The following ZMAT1 variants were observed in gnomAD, a reference collection of about 807,000 sequenced individuals.
ZMAT1 encodes zinc finger matrin-type 1, also known as zinc finger matrin-type protein 1.
Under a neutral mutation model 18.5 loss-of-function variants are expected in ZMAT1, and 11 were observed. The ratio of observed to expected loss-of-function variants is 0.59; its 90% CI spans 0.37 to 0.98. The LOEUF is 0.98. Among genes scored for constraint, ZMAT1 ranks in the 50% least tolerant of loss-of-function variants. ZMAT1 has a pLI of 0.01. For missense variants in ZMAT1, 525 were observed against 496.2 expected (o/e 1.06, Z -0.55); for synonymous variants, 211 against 176.4 (o/e 1.20, Z -1.55).
At chrX:101,918,187 T>C (rs975994097) in intron 1 of ZMAT1, among the ~76,000 whole-genome samples, 4 of 111,533 alleles carry the variant, frequency 3.6e-5, no homozygotes, top group Non-Finnish European at 7.5e-5. Context: ...AATTGGGTTG[T>C]TTGAAACTCA....
At chrX:101,897,327 TG>T (rs1927884524) in intron 4 of ZMAT1, among the ~76,000 whole-genome samples, 1 of 60,199 alleles carries the variant, frequency 1.7e-5, no homozygotes, top group Admixed American at 2.7e-4. Flanking sequence ...TATCACACTC[TG>T]GGGACTGTTG....
At position 101,931,795 on chromosome X, in the gene ZMAT1, A is replaced by AGCCGCC. The variant is rs895746763; in HGVS notation, c.208_213dup (p.Gly70_Gly71dup). On this transcript the variant is annotated inframe_insertion, in exon 1 of 6. Transcript: ENST00000651725. ...GCCGCCGCCATAGTGGAGCCGCCAA[A>AGCCGCC]GCCGCCGCCGCCGCCGTCGCCACAG... The AGCCGCC allele has an allele frequency of 1.7e-5, 13 of 780,435 alleles. No homozygotes were observed. The highest frequency in any genetic ancestry group is 1.4e-4 in the African/African-American group (6 of 43,343). 64.3% of individuals were successfully genotyped at this position (780,435 alleles called of 1,213,427 possible).
At chrX:101,929,545 ATGTT>A (rs1487596977) in intron 1 of ZMAT1, among the ~76,000 whole-genome samples, 4 of 106,799 alleles carry the variant, frequency 3.7e-5, no homozygotes, top group Non-Finnish European at 5.8e-5. Flanking sequence ...AATATATAAA[ATGTT>A]TGCCATTTGT....
intron 2 of ZMAT1, among the ~76,000 whole-genome samples, chrX:101,899,434 T>G (rs1443664960): frequency 9.0e-6 from 1 of 111,550 alleles, no homozygotes; most frequent in Non-Finnish European, 1.9e-5. Flanking sequence ...GTGCCATATT[T>G]GTAGTCTTTT....
At chrX:101,913,188 T>C (rs1479786487) in intron 1 of ZMAT1, among the ~76,000 whole-genome samples, 1 of 111,206 alleles carries the variant, frequency 9.0e-6, no homozygotes, top group African/African-American at 3.3e-5. Flanking sequence ...ATACAATAGA[T>C]ACACTAAAAA....
At chrX:101,924,951 T>C (rs1275608620) in intron 1 of ZMAT1, among the ~76,000 whole-genome samples, 4 of 112,288 alleles carry the variant, frequency 3.6e-5, no homozygotes, top group African/African-American at 1.3e-4. Flanking sequence ...TGCTTGGCAA[T>C]GTAAATGTAG....
intron 2 of ZMAT1, among the ~76,000 whole-genome samples, chrX:101,901,371 T>A (rs1928220327): frequency 9.0e-6 from 1 of 111,277 alleles, no homozygotes; most frequent in African/African-American, 3.3e-5. Context: ...AGAGTGGGCA[T>A]CCTTGTCTTG....
In ZMAT1 at chrX:101,920,762, A is replaced by G. The variant is rs145134720; in HGVS notation, c.292+10955T>C. Among the ~76,000 whole-genome samples the G allele has an allele frequency of 6.2e-5, 7 of 112,310 alleles. No homozygotes were observed. The East Asian group carries it at 2.0e-3, about 32-fold the overall frequency. The stretch of plus-strand genomic sequence containing the variant: ...AATAATTAATCAATCAGGGTTTTCT[A>G]TCACATCCAAACACATAGCTTTTCA... On this transcript the variant is annotated intron_variant, in intron 1 of 5. Coordinates refer to ENST00000651725, the MANE Select transcript of ZMAT1 (RefSeq NM_001394560.1).
rs1213459683 is a variant in ZMAT1, at chrX:101,914,481, T to A, written c.293-10151A>T. On this transcript the variant is annotated intron_variant, in intron 1 of 5. Coordinates refer to ENST00000651725, the MANE Select transcript of ZMAT1 (RefSeq NM_001394560.1). ...ACTACTAAGAAAAAAAGCAAGAAGA[T>A]CCAAATATATCAAATCAGAAATGAA... Among the ~76,000 whole-genome samples, 15 of 109,195 alleles carry A rather than the reference T, an allele frequency of 1.4e-4. 1 individual carries two copies. The highest frequency in any genetic ancestry group is 5.0e-4 in the African/African-American group (15 of 30,092). 94.8% of individuals were successfully genotyped at this position (109,195 alleles called of 115,157 possible). A position where few individuals can be genotyped will look rare whatever the true frequency, so the allele number is the denominator to read the frequency against.
At chrX:101,888,937 T>C (rs1021515423) in intron 4 of ZMAT1, 1 of 111,574 alleles carries the variant, frequency 9.0e-6, no homozygotes, top group Non-Finnish European at 1.9e-5. Flanking sequence ...AAGTATACTG[T>C]ATACAGTGTT....
Position 101,931,929 on chromosome X carries a change from G to A in ZMAT1, c.80C>T (p.Ser27Phe). The change falls in exon 1 of 6, where the codon TCC becomes TTC. Residue 27 changes from serine (S) to phenylalanine (F), a missense_variant. By Grantham distance (155) the Ser-to-Phe change is radical. Coordinates refer to ENST00000651725, the MANE Select transcript of ZMAT1 (RefSeq NM_001394560.1). ...PQEATVSAAS[S>F]SSYTACAAAA... ...TGCCGCGCAGGCGGTGTAGGAGGAGGAGGAGGCGGCAGAGACGGTAGCTTC... is the reference window on the plus strand; with the variant it reads ...TGCCGCGCAGGCGGTGTAGGAGGAGAAGGAGGCGGCAGAGACGGTAGCTTC... 1 of 786,478 alleles carries A rather than the reference G, an allele frequency of 1.3e-6. No homozygotes were observed. Among genetic ancestry groups the A allele is most frequent in the Non-Finnish European group, 1.5e-6 (1 of 662,230 alleles). 64.8% of individuals were successfully genotyped at this position (786,478 alleles called of 1,213,427 possible).
chrX:101,902,100 T>G (rs1404950445), intron 2 of ZMAT1, among the ~76,000 whole-genome samples: 1 of 112,320 alleles, frequency 8.9e-6, no homozygotes, highest in African/African-American at 3.2e-5. Flanking sequence ...CATCTCCAAA[T>G]GCAGCAATGA....
intron 1 of ZMAT1, among the ~76,000 whole-genome samples, chrX:101,905,498 A>T (rs1928549255): frequency 8.9e-6 from 1 of 112,467 alleles, no homozygotes; most frequent in Admixed American, 9.4e-5. Context: ...GTTGGTACAC[A>T]TGCTTTCACA....
At chrX:101,897,029 G>T (rs1927861225) in intron 4 of ZMAT1, among the ~76,000 whole-genome samples, 1 of 109,891 alleles carries the variant, frequency 9.1e-6, no homozygotes, top group Non-Finnish European at 1.9e-5. Context: ...CCTACAGTTA[G>T]TAGGAAACAC....
intron 1 of ZMAT1, among the ~76,000 whole-genome samples, chrX:101,925,712 G>A (rs770847272): frequency 8.9e-6 from 1 of 112,612 alleles, no homozygotes; most frequent in Non-Finnish European, 1.9e-5. Flanking sequence ...CAGAAGCTTT[G>A]CATTTTTTAC....
chrX:101,911,740 A>G (rs1928978545), intron 1 of ZMAT1: 1 of 1,206,784 alleles, frequency 8.3e-7, no homozygotes, highest in South Asian at 1.8e-5. Context: ...CAGGAGAGAA[A>G]CCCTATGAAT....
chrX:101,912,509 A>G (rs1461989440), intron 1 of ZMAT1, among the ~76,000 whole-genome samples: 1 of 112,199 alleles, frequency 8.9e-6, no homozygotes, highest in Non-Finnish European at 1.9e-5. Context: ...AGAATTAGCC[A>G]TTATTGCACA....
At chrX:101,931,556 G>T (rs1930486860) in intron 1 of ZMAT1, 161 bp downstream of exon 1, 1 of 722,417 alleles carries the variant, frequency 1.4e-6, no homozygotes, top group Non-Finnish European at 1.6e-6. Flanking sequence ...GCACACTCGG[G>T]GCTAATACGG....
rs777167145 is a variant in ZMAT1, at chrX:101,885,950, A to G, written c.776+682T>C. 9.1e-4 allele frequency among the ~76,000 whole-genome samples: 102 copies of G among 111,919 alleles called. 1 individual carries two copies. The highest frequency in any genetic ancestry group is 2.9e-3 in the African/African-American group (88 of 30,835). ...CTCCCACAGTGCTGGGATTACAGGC[A>G]TAAGCCACCAGGCCTGGCTCTATGT... On this transcript the variant is annotated intron_variant, in intron 5 of 5. Transcript: ENST00000651725.
Sources: allele counts gnomAD v4.1 joint callset (sites outside exome capture counted in the v4.1 genomes callset), GRCh38; gene constraint gnomAD v4.1.1; transcripts MANE v1.5; gene names NCBI Gene and HGNC (gene_info 2026-07-23, HGNC 2026-07-21).